MAST4: variants seen among roughly 807,000 people sequenced by gnomAD.
The protein encoded by MAST4 is microtubule associated serine/threonine kinase family member 4.
Under a neutral mutation model 162.7 loss-of-function variants are expected in MAST4, and 89 were observed. That is an observed-to-expected ratio of 0.55 (90% CI 0.46 to 0.65). The LOEUF (loss-of-function observed/expected upper bound fraction) is 0.65. Ranked by LOEUF, MAST4 falls within the 30% of genes least tolerant of loss-of-function variation. The pLI is 0.00. For synonymous variants in MAST4, 1,479 were observed against 1,361.1 expected, an observed-to-expected ratio of 1.09 and a Z score of -1.91; for missense variants, 3,153 against 3,374.0, an observed-to-expected ratio of 0.93 and a Z score of 1.62.
chr5:67,169,493 C>T lies in MAST4; in HGVS notation c.*2442C>T, dbSNP rs1328957321. On this transcript the variant is annotated 3_prime_UTR_variant, in exon 29 of 29. Coordinates refer to ENST00000403625, the MANE Select transcript of MAST4 (RefSeq NM_001164664.2). ...AATAAAGTGTTTGCAGTCTTATTTT[C>T]TCTAAGAAATTCCTTATGGACGTCA... The T allele has an allele frequency of 6.6e-6, 1 of 152,128 alleles. No homozygotes were observed. Among genetic ancestry groups the T allele is most frequent in the Admixed American group, 6.5e-5 (1 of 15,270 alleles). The allele number at this position is 152,128 out of a possible 1,614,324, so 9.4% of individuals were successfully genotyped here.
rs761568293 is a variant in MAST4 at position 67,110,105 on chromosome 5, A to G, written c.1364A>G (p.Asp455Gly). Reference protein sequence around the residue: ...KLDKLLQEAHDRSESGELAFI... With the variant: ...KLDKLLQEAHGRSESGELAFI... ...TTTATTGCTTTTTCATAGGCTCATG[A>G]TCGTTCAGAAAGTGGAGAATTGGCA... The change falls in exon 11 of 29, where the codon GAT becomes GGT. Residue 455 changes from aspartate (D) to glycine (G), a missense_variant. By Grantham distance (94) the Asp-to-Gly change is moderately conservative. This residue lies in a region of MAST4 where 360 missense variants were observed against 450.0 expected (regional missense o/e 0.80). Coordinates refer to ENST00000403625, the MANE Select transcript of MAST4 (RefSeq NM_001164664.2). 6.2e-7 allele frequency: 1 copy of G among 1,612,386 alleles called. No individual in the cohort carries two copies. Among genetic ancestry groups the G allele is most frequent in the Non-Finnish European group, 8.5e-7 (1 of 1,178,470 alleles).
intron 1 of MAST4, among the ~76,000 whole-genome samples, chr5:66,618,855 T>A (rs1004967757): frequency 1.3e-5 from 2 of 152,218 alleles, no homozygotes; most frequent in East Asian, 3.8e-4. Flanking sequence ...TATTTGAGTA[T>A]GTGAAGAGAG....
At chr5:67,048,970 CATAT>C (rs367955442) in intron 4 of MAST4, among the ~76,000 whole-genome samples, 6 of 117,954 alleles carry the variant, frequency 5.1e-5, no homozygotes, top group Non-Finnish European at 1.0e-4. Flanking sequence ...ATACATATAG[CATAT>C]ATATATATAT....
intron 4 of MAST4, among the ~76,000 whole-genome samples, chr5:67,008,664 C>T (rs1200823481): frequency 1.3e-5 from 2 of 152,154 alleles, no homozygotes; most frequent in East Asian, 1.9e-4. Flanking sequence ...TTTTCCACGC[C>T]GATGGGTAGT....
rs1430596505 is a variant in MAST4 at position 67,166,279 on chromosome 5, G to C, written c.7100G>C (p.Arg2367Thr). 3 of 1,557,714 alleles carry C rather than the reference G, an allele frequency of 1.9e-6. No individual in the cohort carries two copies. Among genetic ancestry groups the C allele is most frequent in the Non-Finnish European group, 2.6e-6 (3 of 1,150,396 alleles). ...SPSQPAANTD[R>T]RAEGKKCTEA... The stretch of plus-strand genomic sequence containing the variant: ...AGTCAGCCGGCCGCCAACACCGACA[G>C]AAGGGCGGAAGGGAAGAAATGCACT... The change falls in exon 29 of 29, where the codon AGA becomes ACA. Residue 2367 changes from arginine to threonine, a missense_variant. Arg to Thr is a moderately conservative substitution (Grantham distance 71, BLOSUM62 -1). This residue lies in a region of MAST4 where 1,644 missense variants were observed against 1,495.0 expected (regional missense o/e 1.10). Transcript: ENST00000403625.
chr5:66,717,894 C>T (rs1294758541), intron 1 of MAST4, among the ~76,000 whole-genome samples: 1 of 152,198 alleles, frequency 6.6e-6, no homozygotes, highest in Admixed American at 6.5e-5. Flanking sequence ...CTGCTCACTG[C>T]CTGAGGGAAG....
chr5:67,114,293 A>G, intron 12 of MAST4, 74 bp downstream of exon 12: 3 of 1,515,548 alleles, frequency 2.0e-6, no homozygotes, highest in Non-Finnish European at 2.7e-6. Flanking sequence ...CTAAGTGGCA[A>G]GTCTTTATTT....
At chr5:66,907,282 C>T (rs758069681) in intron 4 of MAST4, among the ~76,000 whole-genome samples, 2 of 149,634 alleles carry the variant, frequency 1.3e-5, no homozygotes, top group Non-Finnish European at 2.9e-5. Flanking sequence ...CCAGGCTTCT[C>T]CCCATTGCAA....
chr5:66,907,198 A>AGAGAGAGAGAGAGT (rs1763422526), intron 4 of MAST4, among the ~76,000 whole-genome samples: 1 of 107,856 alleles, frequency 9.3e-6, no homozygotes, highest in African/African-American at 3.5e-5. Context: ...AGAGAGAGAG[A>AGAGAGAGAGAGAGT]GAGAGAGAGT....
intron 1 of MAST4, among the ~76,000 whole-genome samples, chr5:66,608,102 C>T (rs9291871): frequency 2.0e-5 from 3 of 147,768 alleles, no homozygotes; most frequent in South Asian, 4.2e-4. Context: ...CTGTTGCCCA[C>T]GCTGGAGTGC....
chr5:67,013,454 CAT>C (rs1475141500), intron 4 of MAST4, among the ~76,000 whole-genome samples: 1 of 152,162 alleles, frequency 6.6e-6, no homozygotes, highest in East Asian at 1.9e-4. Flanking sequence ...CATTTTGCCA[CAT>C]GAGTATTTGT....
chr5:67,022,653 A>G (rs1356802234), intron 4 of MAST4, among the ~76,000 whole-genome samples: 1 of 152,186 alleles, frequency 6.6e-6, no homozygotes, highest in Non-Finnish European at 1.5e-5. Flanking sequence ...ATTTCAAGGA[A>G]ACAATTGAAT....
At chr5:66,904,975 C>A (rs1216047103) in intron 4 of MAST4, among the ~76,000 whole-genome samples, 2 of 151,982 alleles carry the variant, frequency 1.3e-5, no homozygotes, top group Non-Finnish European at 2.9e-5. Context: ...TTGTTCCCAT[C>A]TTTATGTCCA....
intron 1 of MAST4, among the ~76,000 whole-genome samples, chr5:66,688,451 G>T (rs1748833176): frequency 6.6e-6 from 1 of 152,198 alleles, no homozygotes. Flanking sequence ...TTATTAGGCA[G>T]GCTAATTTCC....
chr5:66,968,747 C>T (rs111970115), intron 4 of MAST4, among the ~76,000 whole-genome samples: 419 of 152,230 alleles, frequency 2.8e-3, no homozygotes, highest in Non-Finnish European at 4.7e-3. Flanking sequence ...ATTTTTTATT[C>T]TTCTATAAAT....
chr5:66,859,343 A>G (rs1030807955), intron 3 of MAST4, among the ~76,000 whole-genome samples: 1 of 152,094 alleles, frequency 6.6e-6, no homozygotes, highest in Admixed American at 6.6e-5. Flanking sequence ...GTATTTAGAC[A>G]TTCCTTAATA....
chr5:67,151,759 CTTTTTTTCTTT>C (rs1392239955), intron 24 of MAST4, among the ~76,000 whole-genome samples: 5 of 132,832 alleles, frequency 3.8e-5, no homozygotes, highest in African/African-American at 1.5e-4. Context: ...TTTTTTTCTT[CTTTTTTTCTTT>C]TTTTTTTTTT....
intron 3 of MAST4, among the ~76,000 whole-genome samples, chr5:66,885,126 A>C (rs27423): frequency 6.6e-6 from 1 of 151,916 alleles, no homozygotes; most frequent in Non-Finnish European, 1.5e-5. Context: ...GCTGGGATCT[A>C]TGTGGAATAG....
At chr5:66,650,323 T>C (rs1746134948) in intron 1 of MAST4, among the ~76,000 whole-genome samples, 2 of 152,084 alleles carry the variant, frequency 1.3e-5, no homozygotes, top group Admixed American at 1.3e-4. Context: ...GCATTTCTCA[T>C]GGTGATATAA....
Sources: allele counts gnomAD v4.1 joint callset (sites outside exome capture counted in the v4.1 genomes callset), GRCh38; gene constraint gnomAD v4.1.1; regional missense constraint gnomAD v4.1.1; transcripts MANE v1.5; gene names NCBI Gene and HGNC (gene_info 2026-07-23, HGNC 2026-07-21).